Variants in TCEANC2 observed in about 807,000 individuals in gnomAD.
TCEANC2 encodes transcription elongation factor A N-terminal and central domain-containing protein 2.
In TCEANC2, 20 loss-of-function variants were observed where a neutral mutation model predicts 22.8. That is an observed-to-expected ratio of 0.88 (90% CI 0.62 to 1.28). The LOEUF is 1.28. Ranked by LOEUF, TCEANC2 falls within the 50% of genes most tolerant of loss-of-function variation. The pLI is 0.00. For missense variants in TCEANC2, 251 were observed against 249.7 expected (o/e 1.01, Z -0.03); for synonymous variants, 84 against 95.5 (o/e 0.88, Z 0.70).
chr1:54,070,121 C>T (rs1187680918), intron 3 of TCEANC2, among the ~76,000 whole-genome samples: 5 of 152,144 alleles, frequency 3.3e-5, no homozygotes. Flanking sequence ...TAGAGTTGTA[C>T]CCCTGTAATA....
At chr1:54,072,238 C>G (rs1256996318) in intron 3 of TCEANC2, among the ~76,000 whole-genome samples, 1 of 152,116 alleles carries the variant, frequency 6.6e-6, no homozygotes, top group Non-Finnish European at 1.5e-5. Flanking sequence ...TTTTTTATCT[C>G]CTTGTCTGAC....
At chr1:54,107,269 G>A (rs1658773261), downstream of TCEANC2, among the ~76,000 whole-genome samples, 1 of 152,160 alleles carries the variant, frequency 6.6e-6, no homozygotes, top group Non-Finnish European at 1.5e-5. Context: ...ATTTCTTCAT[G>A]ACTAAGTTGG....
chr1:54,056,378 G>A (rs1368763284), intron 2 of TCEANC2, among the ~76,000 whole-genome samples: 1 of 151,160 alleles, frequency 6.6e-6, no homozygotes, highest in Non-Finnish European at 1.5e-5. Context: ...GTGGGATCTT[G>A]GCTCACTGCA....
At chr1:54,087,916 G>T (rs1317668155) in intron 3 of TCEANC2, among the ~76,000 whole-genome samples, 1 of 152,172 alleles carries the variant, frequency 6.6e-6, no homozygotes, top group Non-Finnish European at 1.5e-5. Context: ...TTGGAAGTTA[G>T]CTTTGAATGA....
intron 4 of TCEANC2, chr1:54,089,908 AGCAAACAATG>A (rs1327735097): frequency 1.3e-6 from 1 of 743,454 alleles, no homozygotes; most frequent in Non-Finnish European, 2.4e-6. Context: ...TGAAGCATTC[AGCAAACAATG>A]GCAAGGCAGA....
At chr1:54,087,720 A>G (rs1408854950) in intron 3 of TCEANC2, among the ~76,000 whole-genome samples, 1 of 152,250 alleles carries the variant, frequency 6.6e-6, no homozygotes, top group Non-Finnish European at 1.5e-5. Flanking sequence ...TTTAATCTAC[A>G]GCAGTCCCTA....
intron 4 of TCEANC2, among the ~76,000 whole-genome samples, chr1:54,091,319 C>G (rs1269427873): frequency 6.6e-6 from 1 of 152,172 alleles, no homozygotes; most frequent in Non-Finnish European, 1.5e-5. Context: ...AATGAACCAT[C>G]TAATTCAGTA....
rs1479120247 is a variant in TCEANC2, at chr1:54,100,776, C to T, written c.*4303C>T. The T allele has an allele frequency of 6.6e-6, 1 of 152,084 alleles. No homozygotes were observed. The allele number at this position is 152,084 out of a possible 1,614,324, so 9.4% of individuals were successfully genotyped here. On this transcript the variant is annotated 3_prime_UTR_variant, in exon 5 of 5. Coordinates refer to ENST00000234827, the MANE Select transcript of TCEANC2 (RefSeq NM_153035.3). ...CCTTATCAACGAGTTTGGACTTTGG[C>T]CTTCAGATAATGGGATACCATGGGA...
At chr1:54,064,658 G>A (rs1429611361) in intron 2 of TCEANC2, among the ~76,000 whole-genome samples, 3 of 150,856 alleles carry the variant, frequency 2.0e-5, no homozygotes. Flanking sequence ...TAAAGACTAG[G>A]CAAGCGACCG....
intron 2 of TCEANC2, among the ~76,000 whole-genome samples, chr1:54,060,560 C>T (rs1569992703): frequency 6.6e-6 from 1 of 152,004 alleles, no homozygotes; most frequent in Middle Eastern, 3.4e-3. Context: ...CAGAGCAAGA[C>T]CCTGTCTCAA....
At position 54,104,988 on chromosome 1, in the gene TCEANC2, G is replaced by A; in HGVS notation, c.*8515G>A. ...ACGGAGACCGGAACACGTGCTGGCT[G>A]AGGGTAAGGAGGATCTAGAATGGAT... On this transcript the variant is annotated 3_prime_UTR_variant, in exon 5 of 5. Transcript: ENST00000234827. The A allele has an allele frequency of 5.5e-6, 1 of 180,326 alleles. No individual in the cohort carries two copies. The highest frequency in any genetic ancestry group is 1.2e-5 in the Non-Finnish European group (1 of 82,856). The allele number at this position is 180,326 out of a possible 1,614,324, so 11.2% of individuals were successfully genotyped here.
intron 2 of TCEANC2, among the ~76,000 whole-genome samples, chr1:54,061,280 C>T (rs1395280050): frequency 6.6e-6 from 1 of 152,166 alleles, no homozygotes; most frequent in African/African-American, 2.4e-5. Context: ...ATGTTTAAGC[C>T]TCAGTTTCCT....
intron 4 of TCEANC2, among the ~76,000 whole-genome samples, chr1:54,090,800 T>C (rs1658432209): frequency 6.6e-6 from 1 of 152,172 alleles, no homozygotes; most frequent in Admixed American, 6.5e-5. Context: ...AAACATACAG[T>C]GTGGATATAT....
chr1:54,062,540 A>T (rs560619394), intron 2 of TCEANC2, among the ~76,000 whole-genome samples: 15 of 152,334 alleles, frequency 9.8e-5, no homozygotes, highest in Non-Finnish European at 1.6e-4. Context: ...TAAATGAGAA[A>T]TGGTTCCAGC....
intron 2 of TCEANC2, among the ~76,000 whole-genome samples, chr1:54,056,660 C>T (rs1657758951): frequency 6.6e-6 from 1 of 152,090 alleles, no homozygotes. Context: ...CCTCCTACCG[C>T]TCTCCCCTCT....
At chr1:54,065,068 C>T (rs551465231) in intron 2 of TCEANC2, among the ~76,000 whole-genome samples, 25 of 151,986 alleles carry the variant, frequency 1.6e-4, no homozygotes, top group Non-Finnish European at 3.2e-4. Context: ...GCCTCCAGAC[C>T]TCATGTTCAC....
At chr1:54,060,813 G>T (rs932238011) in intron 2 of TCEANC2, among the ~76,000 whole-genome samples, 1 of 151,924 alleles carries the variant, frequency 6.6e-6, no homozygotes, top group Non-Finnish European at 1.5e-5. Flanking sequence ...GGTGGTGGGC[G>T]CCTGTAATCC....
At chr1:54,083,791 A>T (rs894171346) in intron 3 of TCEANC2, among the ~76,000 whole-genome samples, 1 of 152,172 alleles carries the variant, frequency 6.6e-6, no homozygotes, top group African/African-American at 2.4e-5. Flanking sequence ...ACACAGTCCC[A>T]CTACTCAGAA....
At chr1:54,106,950 A>G (rs1658768961), downstream of TCEANC2, among the ~76,000 whole-genome samples, 2 of 152,310 alleles carry the variant, frequency 1.3e-5, no homozygotes, top group African/African-American at 4.8e-5. Context: ...CCCCTCACCC[A>G]GTTTCCACCA....
Sources: allele counts gnomAD v4.1 joint callset (sites outside exome capture counted in the v4.1 genomes callset), GRCh38; gene constraint gnomAD v4.1.1; transcripts MANE v1.5; gene names NCBI Gene and HGNC (gene_info 2026-07-23, HGNC 2026-07-21).